TRIP11: variants seen among roughly 807,000 people sequenced by gnomAD.
TRIP11 encodes the protein thyroid hormone receptor interactor 11.
In TRIP11, 148 loss-of-function variants were observed where a neutral mutation model predicts 223.1. The observed-to-expected ratio is 0.66, with a 90% CI of 0.58 to 0.76. The LOEUF (loss-of-function observed/expected upper bound fraction) is 0.76. Among genes scored for constraint, TRIP11 ranks in the 30% least tolerant of loss-of-function variants. The pLI is 0.00. For missense variants in TRIP11, 2,043 were observed against 2,222.0 expected, an observed-to-expected ratio of 0.92 and a Z score of 1.62; for synonymous variants, 762 against 772.6, an observed-to-expected ratio of 0.99 and a Z score of 0.23.
intron 1 of TRIP11, among the ~76,000 whole-genome samples, chr14:92,039,050 A>G (rs548111976): frequency 6.6e-6 from 1 of 152,362 alleles, no homozygotes; most frequent in Admixed American, 6.5e-5. Context: ...AAAGTAAAAA[A>G]TAATTAAATA....
intron 2 of TRIP11, chr14:92,026,638 G>A: frequency 8.5e-7 from 1 of 1,182,216 alleles, no homozygotes; most frequent in South Asian, 1.2e-5. Context: ...GGAAGTTGTG[G>A]AAGAGGCGGA....
intron 14 of TRIP11, 113 bp from the exon 15 acceptor site, chr14:91,994,025 GA>G: frequency 1.3e-6 from 1 of 784,858 alleles, no homozygotes; most frequent in Non-Finnish European, 2.1e-6. Flanking sequence ...GTCTCAAACA[GA>G]AAAGAATATA....
Position 91,993,915 on chromosome 14 carries a change from A to G in TRIP11, c.5057-3T>C, listed in dbSNP as rs753132677. Reference sequence around the variant, plus strand: ...AGCAGAATACATAGCTTTTTCCTCTAAAGAGAAAAGAAAGTTAACATTAGT... The same window carrying G: ...AGCAGAATACATAGCTTTTTCCTCTGAAGAGAAAAGAAAGTTAACATTAGT... On this transcript the variant is annotated splice_polypyrimidine_tract_variant and splice_region_variant and intron_variant, in intron 14 of 20. Transcript: ENST00000267622. The G allele has an allele frequency of 3.7e-6, 6 of 1,607,158 alleles. No homozygotes were observed. Among genetic ancestry groups the G allele is most frequent in the Non-Finnish European group, 5.1e-6 (6 of 1,174,742 alleles).
chr14:91,975,124 A>G, intron 18 of TRIP11, 48 bp downstream of exon 18: 1 of 1,502,996 alleles, frequency 6.7e-7, no homozygotes, highest in East Asian at 2.3e-5. Flanking sequence ...CTACAAAGCC[A>G]CTATCTGGAT....
chr14:91,999,512 T>G, intron 12 of TRIP11, 79 bp from the exon 13 acceptor site: 1 of 1,448,752 alleles, frequency 6.9e-7, no homozygotes, highest in East Asian at 2.4e-5. Flanking sequence ...CAAATCTTTT[T>G]CCCATTATTG....
chr14:91,991,872 C>T (rs2056676640), intron 15 of TRIP11, among the ~76,000 whole-genome samples: 1 of 151,874 alleles, frequency 6.6e-6, no homozygotes, highest in African/African-American at 2.4e-5. Context: ...CACCTGAAGT[C>T]AGGAGTTCAA....
chr14:91,967,020 C>T lies in TRIP11; in HGVS notation c.*2653G>A, dbSNP rs2056347724. 1 of 191,646 alleles carries T rather than the reference C, an allele frequency of 5.2e-6. No individual in the cohort carries two copies. Among genetic ancestry groups the T allele is most frequent in the Non-Finnish European group, 1.1e-5 (1 of 92,050 alleles). The allele number at this position is 191,646 out of a possible 1,614,324, so 11.9% of individuals were successfully genotyped here. On this transcript the variant is annotated 3_prime_UTR_variant, in exon 21 of 21. Transcript: ENST00000267622. ...GTGAGCAGGTGGTTCATCTCTGACA[C>T]AACTAAGTTTCAGAAAAGTCAATGA...
intron 1 of TRIP11, among the ~76,000 whole-genome samples, chr14:92,038,749 T>C (rs1411292510): frequency 6.6e-6 from 1 of 152,132 alleles, no homozygotes; most frequent in African/African-American, 2.4e-5. Context: ...CAGACTTAGA[T>C]TGAAACTTAA....
intron 9 of TRIP11, among the ~76,000 whole-genome samples, chr14:92,008,868 T>G (rs979549068): frequency 2.6e-5 from 4 of 151,746 alleles, no homozygotes; most frequent in African/African-American, 9.7e-5. Flanking sequence ...ACAGCAAGAC[T>G]CTCTCTCTCT....
At chr14:92,011,717 T>C in intron 8 of TRIP11, 38 bp downstream of exon 8, 5 of 1,570,688 alleles carry the variant, frequency 3.2e-6, no homozygotes, top group Non-Finnish European at 4.4e-6. Context: ...CTGCTTCCAC[T>C]GTCTCTATGC....
intron 16 of TRIP11, among the ~76,000 whole-genome samples, chr14:91,981,493 C>T (rs536735222): frequency 6.4e-4 from 98 of 152,128 alleles, no homozygotes; most frequent in Non-Finnish European, 7.8e-4. Flanking sequence ...AAGGTTCAAG[C>T]GTTTCTTGCA....
At position 91,978,302 on chromosome 14, in the gene TRIP11, T is replaced by A. The variant is rs1221756951; in HGVS notation, c.5261-2113A>T. On this transcript the variant is annotated intron_variant, in intron 16 of 20. Transcript: ENST00000267622. The surrounding 1 kb of genome is among the most constrained non-coding windows in gnomAD (Gnocchi z 4.4). ...AGTAAAGATGGGCATGGTCTTCTCC[T>A]CCTTCCTCCTCCATTCCTCCCCAAG... Among the ~76,000 whole-genome samples, 1 of 152,058 alleles carries A rather than the reference T, an allele frequency of 6.6e-6. No individual in the cohort carries two copies. The highest frequency in any genetic ancestry group is 2.4e-5 in the African/African-American group (1 of 41,412).
At chr14:91,988,489 T>C (rs1210735955) in intron 15 of TRIP11, 106 bp from the exon 16 acceptor site, 9 of 950,138 alleles carry the variant, frequency 9.5e-6, no homozygotes, top group Middle Eastern at 2.2e-4. Context: ...CTGGTGAAGC[T>C]GCACCTCTAT....
At position 92,034,384 on chromosome 14, in the gene TRIP11, C is replaced by T. The variant is rs539710934; in HGVS notation, c.140-1131G>A. Among the ~76,000 whole-genome samples the T allele has an allele frequency of 1.1e-4, 17 of 149,742 alleles. No individual in the cohort carries two copies. In the East Asian group the frequency reaches 3.2e-3, roughly 28 times the overall value. On this transcript the variant is annotated intron_variant, in intron 1 of 20. Coordinates refer to ENST00000267622, the MANE Select transcript of TRIP11 (RefSeq NM_004239.4). Reference sequence around the variant, plus strand: ...GTTGCAGTGAGCCGACACTGTGCTACTGCACTCCAGCCTGGGTTACAGAGT... The same window carrying T: ...GTTGCAGTGAGCCGACACTGTGCTATTGCACTCCAGCCTGGGTTACAGAGT...
At position 92,003,614 on chromosome 14, in the gene TRIP11, T is replaced by C. The variant is rs367705611; in HGVS notation, c.4362A>G (p.Leu1454=). 1.4e-5 allele frequency: 23 copies of C among 1,614,108 alleles called. No individual in the cohort carries two copies. Among genetic ancestry groups the C allele is most frequent in the Admixed American group, 5.0e-5 (3 of 60,014 alleles). The change falls in exon 11 of 21, where the codon CTA becomes CTG. Residue 1454 remains leucine (L), a synonymous_variant. Coordinates refer to ENST00000267622, the MANE Select transcript of TRIP11 (RefSeq NM_004239.4). ...CTTTTAGTTTGCCAATGTCCATCTC[T>C]AGAATTAATATTCTCTCCTTCAGGT... ...VTNLKERILI[L]EMDIGKLKGE...
chr14:92,024,802 T>C (rs1437147040), intron 3 of TRIP11, among the ~76,000 whole-genome samples: 2 of 152,196 alleles, frequency 1.3e-5, no homozygotes, highest in Non-Finnish European at 2.9e-5. Context: ...CAGACTGTAT[T>C]TTAAGGATTC....
At chr14:91,976,237 G>T in intron 16 of TRIP11, 48 bp from the exon 17 acceptor site, 1 of 1,489,882 alleles carries the variant, frequency 6.7e-7, no homozygotes, top group Non-Finnish European at 9.3e-7. Flanking sequence ...GATTAAAATA[G>T]TCTGGATGAC....
chr14:92,003,639 T>A lies in TRIP11; in HGVS notation c.4337A>T (p.Asn1446Ile). The part of the protein sequence containing the change: ...ENELLRQAVT[N>I]LKERILILEM... ...TAGAATTAATATTCTCTCCTTCAGG[T>A]TTGTTACTGCCTGCCTCAAAAGTTC... The change falls in exon 11 of 21, where the codon AAC (asparagine) becomes ATC (isoleucine). Residue 1446 changes from asparagine (N) to isoleucine (I), a missense_variant. Transcript: ENST00000267622. 1 of 1,614,206 alleles carries A rather than the reference T, an allele frequency of 6.2e-7. No homozygotes were observed. Among genetic ancestry groups the A allele is most frequent in the South Asian group, 1.1e-5 (1 of 91,084 alleles).
Position 91,972,790 on chromosome 14 carries a change from A to T in TRIP11, c.5646T>A (p.Ser1882=). Residue 1882 remains serine (S), a synonymous_variant, in exon 20 of 21, where the codon TCT becomes TCA. Coordinates refer to ENST00000267622, the MANE Select transcript of TRIP11 (RefSeq NM_004239.4). ...AATCCAGAGGTTTCATATCATGAAC[A>T]GAAAGCTTTGGTGGTGGAATGGATG... ...SHPSIPPPKL[S]VHDMKPLDSP... The T allele has an allele frequency of 6.2e-7, 1 of 1,613,418 alleles. No homozygotes were observed. The highest frequency in any genetic ancestry group is 8.5e-7 in the Non-Finnish European group (1 of 1,179,662).
Sources: allele counts gnomAD v4.1 joint callset (sites outside exome capture counted in the v4.1 genomes callset), GRCh38; gene constraint gnomAD v4.1.1; non-coding constraint Gnocchi (gnomAD v3.1); transcripts MANE v1.5; gene names NCBI Gene and HGNC (gene_info 2026-07-23, HGNC 2026-07-21).